CBLB: variants seen among roughly 807,000 people sequenced by gnomAD.
The protein encoded by CBLB is E3 ubiquitin-protein ligase CBL-B.
CBLB carries 31 observed loss-of-function variants against 104.9 expected under a neutral mutation model. The observed-to-expected ratio is 0.30, with a 90% CI of 0.22 to 0.40. The LOEUF (loss-of-function observed/expected upper bound fraction) is 0.40, where lower values mean the gene tolerates loss of function less well. Ranked by LOEUF, CBLB falls within the 10% of genes least tolerant of loss-of-function variation. CBLB has a pLI of 1.00. For missense variants in CBLB, 1,062 were observed against 1,214.6 expected (o/e 0.87, Z 1.87); for synonymous variants, 440 against 422.6 (o/e 1.04, Z -0.51).
At chr3:105,834,582 G>A (rs999874949) in intron 3 of CBLB, among the ~76,000 whole-genome samples, 1 of 152,162 alleles carries the variant, frequency 6.6e-6, no homozygotes, top group African/African-American at 2.4e-5. Context: ...CATGAACCAG[G>A]GAGGCGGAGC....
chr3:105,665,416 A>ATATAT (rs2064298989), intron 18 of CBLB, among the ~76,000 whole-genome samples: 6 of 98,674 alleles, frequency 6.1e-5, no homozygotes, highest in South Asian at 3.6e-4. Flanking sequence ...TAAATAAATA[A>ATATAT]ATATATATAT....
At chr3:105,673,066 GATTT>G (rs2065236002) in intron 17 of CBLB, 1 of 144,296 alleles carries the variant, frequency 6.9e-6, no homozygotes, top group Admixed American at 7.1e-5. Flanking sequence ...AGGAAGTATG[GATTT>G]TTTTTTTTTT....
At chr3:105,767,460 A>C (rs2078346360) in intron 4 of CBLB, among the ~76,000 whole-genome samples, 1 of 152,018 alleles carries the variant, frequency 6.6e-6, no homozygotes, top group African/African-American at 2.4e-5. Context: ...GCTATAAATA[A>C]ACCATTTTCC....
chr3:105,675,668 A>G (rs1042491682), intron 17 of CBLB, among the ~76,000 whole-genome samples: 1 of 152,034 alleles, frequency 6.6e-6, no homozygotes, highest in East Asian at 1.9e-4. Flanking sequence ...GGGATCACAT[A>G]AGGCCAGGAG....
At chr3:105,704,199 C>G (rs1402152044) in intron 10 of CBLB, 26 bp from the exon 11 acceptor site, 1 of 1,604,516 alleles carries the variant, frequency 6.2e-7, no homozygotes, top group African/African-American at 1.3e-5. Context: ...AGAAAGATGC[C>G]GCTGTTTATT....
chr3:105,703,708 C>T (rs563090338), intron 11 of CBLB, among the ~76,000 whole-genome samples: 22 of 152,166 alleles, frequency 1.4e-4, no homozygotes, highest in African/African-American at 5.3e-4. Flanking sequence ...ATATAATGAC[C>T]TTTTAAATCT....
intron 10 of CBLB, among the ~76,000 whole-genome samples, chr3:105,717,464 A>G (rs2072074935): frequency 6.6e-6 from 1 of 152,230 alleles, no homozygotes; most frequent in East Asian, 1.9e-4. Flanking sequence ...GACAAGATGT[A>G]AAATCAAGGA....
At chr3:105,779,428 A>C (rs1484981922) in intron 3 of CBLB, among the ~76,000 whole-genome samples, 1 of 152,244 alleles carries the variant, frequency 6.6e-6, no homozygotes, top group Non-Finnish European at 1.5e-5. Flanking sequence ...TAAGGCAATG[A>C]AAAAATACAT....
chr3:105,815,264 G>A lies in CBLB; in HGVS notation c.419+38150C>T, dbSNP rs529625599. 9.2e-5 allele frequency among the ~76,000 whole-genome samples: 14 copies of A among 152,144 alleles called. No homozygotes were observed. In the South Asian group the frequency reaches 2.9e-3, roughly 32 times the overall value. ...CACCTGTAGGTACCTACTCTTTATT[G>A]AATGAATGATAAAAATATCTTTGTT... On this transcript the variant is annotated intron_variant, in intron 3 of 18. Coordinates refer to ENST00000394030, the MANE Select transcript of CBLB (RefSeq NM_170662.5).
intron 6 of CBLB, among the ~76,000 whole-genome samples, chr3:105,744,601 G>A (rs2075923999): frequency 6.6e-6 from 1 of 151,976 alleles, no homozygotes; most frequent in African/African-American, 2.4e-5. Context: ...TAATGGCAGA[G>A]AAGAAAAAAT....
chr3:105,726,030 AGT>A (rs2073578001), intron 9 of CBLB, among the ~76,000 whole-genome samples: 1 of 152,056 alleles, frequency 6.6e-6, no homozygotes, highest in South Asian at 2.1e-4. Context: ...TGGTATTTTT[AGT>A]AGAAACAGGG....
At position 105,720,243 on chromosome 3, in the gene CBLB, T is replaced by C; in HGVS notation, c.1211A>G (p.Asp404Gly). 1 of 1,612,292 alleles carries C rather than the reference T, an allele frequency of 6.2e-7. No homozygotes were observed. The highest frequency in any genetic ancestry group is 1.1e-5 in the South Asian group (1 of 90,834). ...TSCLTAWQES[D>G]GQGCPFCRCE... ...ACGACAGAAAGGGCAGCCCTGACCA[T>C]CCGACTCCTAAACAAATAGAAAATG... is the stretch of plus-strand genomic sequence containing the variant. The change falls in exon 10 of 19, where the codon GAT becomes GGT. Residue 404 changes from aspartate (D) to glycine (G), a missense_variant. Asp to Gly is a moderately conservative substitution (Grantham distance 94). Coordinates refer to ENST00000394030, the MANE Select transcript of CBLB (RefSeq NM_170662.5).
intron 3 of CBLB, among the ~76,000 whole-genome samples, chr3:105,811,682 C>G (rs1309786672): frequency 1.3e-5 from 2 of 152,018 alleles, no homozygotes; most frequent in Non-Finnish European, 2.9e-5. Flanking sequence ...CCATCAAGTT[C>G]TGTAATTCTA....
chr3:105,716,825 T>C (rs1273951368), intron 10 of CBLB, among the ~76,000 whole-genome samples: 7 of 152,204 alleles, frequency 4.6e-5, no homozygotes, highest in South Asian at 2.1e-4. Flanking sequence ...GTGTGACTTC[T>C]AGGACAATAA....
At chr3:105,808,705 G>A (rs1031562567) in intron 3 of CBLB, among the ~76,000 whole-genome samples, 2 of 152,174 alleles carry the variant, frequency 1.3e-5, no homozygotes, top group South Asian at 4.1e-4. Flanking sequence ...CTGAAGAAGA[G>A]AATAGCATTA....
At chr3:105,836,021 T>C (rs1485852205) in intron 3 of CBLB, among the ~76,000 whole-genome samples, 1 of 152,198 alleles carries the variant, frequency 6.6e-6, no homozygotes, top group Non-Finnish European at 1.5e-5. Flanking sequence ...TCTTCCAATA[T>C]AAAGGTTACC....
rs113049998 is a variant in CBLB at position 105,690,691 on chromosome 3, G to C, written c.2054+2803C>G. ...AAAAAAATTAGCCGGGCATAGTGGC[G>C]GACGACTATAGTCCCAGCTACTTGA... is the stretch of plus-strand genomic sequence containing the variant. On this transcript the variant is annotated intron_variant, in intron 13 of 18. Transcript: ENST00000394030. Among the ~76,000 whole-genome samples the C allele has an allele frequency of 7.4e-3, 1,130 of 152,026 alleles. 4 individuals are homozygous for C. The highest frequency in any genetic ancestry group is 0.012 in the Non-Finnish European group (786 of 67,974).
chr3:105,744,630 C>A (rs1297940681), intron 6 of CBLB, among the ~76,000 whole-genome samples: 4 of 151,868 alleles, frequency 2.6e-5, no homozygotes, highest in African/African-American at 9.7e-5. Flanking sequence ...TTGGCTTGCA[C>A]TTAAAAAAAA....
At chr3:105,801,005 T>TAA (rs544585298) in intron 3 of CBLB, among the ~76,000 whole-genome samples, 1 of 148,404 alleles carries the variant, frequency 6.7e-6, no homozygotes, top group Admixed American at 6.7e-5. Flanking sequence ...CAGCATGCTT[T>TAA]AAAAAAAAAA....
Sources: gnomAD v4.1 joint callset for allele counts (sites outside exome capture counted in the v4.1 genomes callset) on GRCh38, gnomAD v4.1.1 for gene constraint, MANE v1.5 for transcripts, NCBI Gene and HGNC (gene_info 2026-07-23, HGNC 2026-07-21) for gene names.